The following MDGA2 variants were observed in gnomAD, a reference collection of about 807,000 sequenced individuals.
MDGA2 encodes MAM domain-containing glycosylphosphatidylinositol anchor protein 2.
Under a neutral mutation model 117.8 loss-of-function variants are expected in MDGA2, and 40 were observed. The ratio of observed to expected loss-of-function variants is 0.34; its 90% CI spans 0.26 to 0.44. The LOEUF is 0.44. Ranked by LOEUF, MDGA2 falls within the 20% of genes least tolerant of loss-of-function variation. The pLI is 1.00. For synonymous variants in MDGA2, 452 were observed against 439.0 expected (o/e 1.03, Z -0.37); for missense variants, 1,123 against 1,250.6 (o/e 0.90, Z 1.54).
intron 8 of MDGA2, among the ~76,000 whole-genome samples, chr14:47,022,887 C>A (rs1417130972): frequency 1.3e-5 from 2 of 152,094 alleles, no homozygotes; most frequent in African/African-American, 4.8e-5. Context: ...AACTTTGAAT[C>A]ACAGGTGATG....
At chr14:46,906,282 TA>T (rs1302642441) in intron 10 of MDGA2, among the ~76,000 whole-genome samples, 4 of 151,418 alleles carry the variant, frequency 2.6e-5, no homozygotes, top group African/African-American at 9.7e-5. Context: ...GATGAGTCCT[TA>T]AAATAATAAT....
At chr14:47,007,451 G>T (rs1887751836) in intron 8 of MDGA2, among the ~76,000 whole-genome samples, 2 of 151,710 alleles carry the variant, frequency 1.3e-5, no homozygotes, top group Non-Finnish European at 3.0e-5. Context: ...GAGTCTGATT[G>T]TTGGAAAGTG....
chr14:47,009,963 C>T (rs770953421), intron 8 of MDGA2, among the ~76,000 whole-genome samples: 7 of 151,968 alleles, frequency 4.6e-5, no homozygotes, highest in African/African-American at 9.7e-5. Flanking sequence ...CTGTCCCTTA[C>T]CCCCCTTTCC....
At chr14:47,210,560 CA>C (rs1452383972) in intron 3 of MDGA2, among the ~76,000 whole-genome samples, 2 of 152,156 alleles carry the variant, frequency 1.3e-5, no homozygotes, top group Admixed American at 1.3e-4. Context: ...ATAAGCACAT[CA>C]AAATTCTATG....
At chr14:46,947,408 T>C (rs201352708) in intron 9 of MDGA2, among the ~76,000 whole-genome samples, 226 of 152,082 alleles carry the variant, frequency 1.5e-3, no homozygotes, top group East Asian at 0.014. Context: ...ATGTAAATTT[T>C]CCCCCCAACA....
intron 9 of MDGA2, among the ~76,000 whole-genome samples, chr14:46,928,945 G>T (rs188247015): frequency 6.6e-6 from 1 of 152,152 alleles, no homozygotes; most frequent in East Asian, 1.9e-4. Flanking sequence ...GCCAGTAGAG[G>T]GTACTGAACA....
intron 10 of MDGA2, among the ~76,000 whole-genome samples, chr14:46,915,041 A>T (rs1883847843): frequency 6.6e-6 from 1 of 152,088 alleles, no homozygotes; most frequent in African/African-American, 2.4e-5. Context: ...CACATGCCTA[A>T]CTCAGTGTAT....
chr14:47,282,589 T>C (rs1888533090), intron 2 of MDGA2, among the ~76,000 whole-genome samples: 1 of 151,756 alleles, frequency 6.6e-6, no homozygotes, highest in African/African-American at 2.4e-5. Context: ...TCCCAGCTAT[T>C]CGGGAGGCTG....
intron 2 of MDGA2, among the ~76,000 whole-genome samples, chr14:47,282,359 TAAATG>T (rs1888521100): frequency 6.6e-6 from 1 of 152,046 alleles, no homozygotes; most frequent in South Asian, 2.1e-4. Flanking sequence ...AATTCCCACT[TAAATG>T]TTCATGGACA....
chr14:47,612,753 T>A (rs1188907162), intron 1 of MDGA2, among the ~76,000 whole-genome samples: 1 of 152,224 alleles, frequency 6.6e-6, no homozygotes, highest in Non-Finnish European at 1.5e-5. Flanking sequence ...GGAAATGTGT[T>A]ATATACAAGA....
intron 7 of MDGA2, among the ~76,000 whole-genome samples, chr14:47,047,138 C>G (rs1889294741): frequency 6.6e-6 from 1 of 152,084 alleles, no homozygotes; most frequent in Non-Finnish European, 1.5e-5. Flanking sequence ...TTCACAAGAC[C>G]TACACTTCAC....
At chr14:47,371,177 G>C (rs953889030) in intron 1 of MDGA2, among the ~76,000 whole-genome samples, 1 of 151,720 alleles carries the variant, frequency 6.6e-6, no homozygotes, top group Non-Finnish European at 1.5e-5. Context: ...TAGGACATGC[G>C]ATTTTGTTAT....
At chr14:47,026,553 CATATG>C (rs147382894) in intron 8 of MDGA2, among the ~76,000 whole-genome samples, 28,444 of 151,766 alleles carry the variant, frequency 0.19, 2,776 homozygotes, top group African/African-American at 0.22. Context: ...CAGGAATGTT[CATATG>C]ATATATTATT....
At chr14:47,212,209 A>G (rs1298256739) in intron 3 of MDGA2, among the ~76,000 whole-genome samples, 1 of 152,184 alleles carries the variant, frequency 6.6e-6, no homozygotes, top group Non-Finnish European at 1.5e-5. Flanking sequence ...TATCTTTTAT[A>G]TAGGAGATAA....
At chr14:47,176,572 T>C (rs1884459422) in intron 3 of MDGA2, among the ~76,000 whole-genome samples, 1 of 152,220 alleles carries the variant, frequency 6.6e-6, no homozygotes, top group South Asian at 2.1e-4. Context: ...ATTTAATAAA[T>C]GGTGTTGGGA....
chr14:47,061,935 A>T (rs910620588), intron 6 of MDGA2, among the ~76,000 whole-genome samples: 6 of 152,028 alleles, frequency 3.9e-5, no homozygotes, highest in African/African-American at 1.2e-4. Context: ...TAAAATTAAA[A>T]GTAAGAATAT....
chr14:46,841,895 C>A lies in MDGA2; in HGVS notation c.*36G>T, dbSNP rs1479617808. On this transcript the variant is annotated 3_prime_UTR_variant, in exon 17 of 17. Transcript: ENST00000399232. The stretch of plus-strand genomic sequence containing the variant: ...CAAAGACTCTTTCTTCATGCCAGTG[C>A]CTGGTGAATCTTTTATAGCCTCTGC... The A allele has an allele frequency of 1.2e-5, 17 of 1,377,646 alleles. No homozygotes were observed. Among genetic ancestry groups the A allele is most frequent in the South Asian group, 1.1e-4 (9 of 79,822 alleles). The allele number at this position is 1,377,646 out of a possible 1,614,324, so 85.3% of individuals were successfully genotyped here. A position where few individuals can be genotyped will look rare whatever the true frequency, so the allele number is the denominator to read the frequency against.
chr14:47,228,035 C>T (rs1003322681), intron 2 of MDGA2, among the ~76,000 whole-genome samples: 1 of 152,150 alleles, frequency 6.6e-6, no homozygotes, highest in South Asian at 2.1e-4. Flanking sequence ...TCCAAACCAA[C>T]TCTCCCAGTC....
intron 8 of MDGA2, among the ~76,000 whole-genome samples, chr14:46,985,674 G>A (rs1886834248): frequency 6.6e-6 from 1 of 152,044 alleles, no homozygotes; most frequent in South Asian, 2.1e-4. Flanking sequence ...TTGCTTGAAT[G>A]GTTTACTGTG....
Sources: gnomAD v4.1 joint callset for allele counts (sites outside exome capture counted in the v4.1 genomes callset) on GRCh38, gnomAD v4.1.1 for gene constraint, MANE v1.5 for transcripts, NCBI Gene and HGNC (gene_info 2026-07-23, HGNC 2026-07-21) for gene names.